FANCA: variants seen among roughly 807,000 people sequenced by gnomAD.
FANCA encodes FA complementation group A.
In FANCA, 236 loss-of-function variants were observed where a neutral mutation model predicts 194.3. The observed-to-expected ratio is 1.21, with a 90% confidence interval of 1.09 to 1.35. The LOEUF (loss-of-function observed/expected upper bound fraction) is 1.35. Ranked by LOEUF, FANCA falls within the 40% of genes most tolerant of loss-of-function variation. The probability of loss-of-function intolerance (pLI) is 0.00; values close to 1 mark genes in which losing one functional copy is unlikely to be tolerated. For synonymous variants in FANCA, 1,014 were observed against 715.8 expected (o/e 1.42, Z -6.65); for missense variants, 2,628 against 1,813.9 (o/e 1.45, Z -8.15).
At chr16:89,774,202 A>G (rs1210380401) in intron 21 of FANCA, among the ~76,000 whole-genome samples, 1 of 152,216 alleles carries the variant, frequency 6.6e-6, no homozygotes, top group Non-Finnish European at 1.5e-5. Flanking sequence ...AAATGAAACC[A>G]GAAATCACAG....
At chr16:89,795,360 G>T (rs2040208514) in intron 11 of FANCA, among the ~76,000 whole-genome samples, 1 of 151,802 alleles carries the variant, frequency 6.6e-6, no homozygotes, top group Non-Finnish European at 1.5e-5. Flanking sequence ...TGGGTGCGGT[G>T]GCTCACACCT....
At chr16:89,760,825 CCTGTCTGTTAT>C (rs2038926673) in intron 29 of FANCA, among the ~76,000 whole-genome samples, 1 of 152,280 alleles carries the variant, frequency 6.6e-6, no homozygotes, top group Non-Finnish European at 1.5e-5. Context: ...CTCACACGGC[CCTGTCTGTTAT>C]CTCCAGGGCT....
At chr16:89,778,513 A>G in intron 20 of FANCA, 1 of 397,064 alleles carries the variant, frequency 2.5e-6, no homozygotes, top group South Asian at 2.4e-5. Flanking sequence ...TTGTAATCCC[A>G]GCTACTCAGG....
At chr16:89,782,609 G>A (rs1054773211) in intron 17 of FANCA, among the ~76,000 whole-genome samples, 13 of 151,976 alleles carry the variant, frequency 8.6e-5, no homozygotes, top group African/African-American at 3.1e-4. Context: ...CTCCCAAAAG[G>A]ACAAATGTCC....
intron 6 of FANCA, among the ~76,000 whole-genome samples, chr16:89,807,857 T>G (rs1204995460): frequency 2.0e-5 from 3 of 151,730 alleles, no homozygotes; most frequent in Non-Finnish European, 2.9e-5. Context: ...CACTCCAGCC[T>G]GGGTGACAGA....
chr16:89,800,119 C>G (rs1399739921), intron 8 of FANCA, among the ~76,000 whole-genome samples: 1 of 152,244 alleles, frequency 6.6e-6, no homozygotes, highest in Admixed American at 6.5e-5. Context: ...TGGAATTACC[C>G]TAAGACTGCT....
rs1304085823 is a variant in FANCA, at chr16:89,739,841, TA to T, written c.3934+152del. On this transcript the variant is annotated intron_variant, in intron 39 of 42. Coordinates refer to ENST00000389301, the MANE Select transcript of FANCA (RefSeq NM_000135.4). ...GAGCCAGTAAATTATCTTATTGCTT[TA>T]AACAAGTTTGTGCTTAATCTGTCCC... is the stretch of plus-strand genomic sequence containing the variant. 4.0e-6 allele frequency: 6 copies of T among 1,500,190 alleles called. No individual in the cohort carries two copies. In the African/African-American group the frequency reaches 5.5e-5, roughly 14 times the overall value. The allele number at this position is 1,500,190 out of a possible 1,614,324, so 92.9% of individuals were successfully genotyped here.
chr16:89,740,141 G>T, intron 38 of FANCA, 42 bp from the exon 39 acceptor site: 1 of 1,503,322 alleles, frequency 6.7e-7, no homozygotes, highest in Non-Finnish European at 9.3e-7. Context: ...GGCCGACCTG[G>T]TGCTCCCATG....
chr16:89,761,837 G>T, intron 29 of FANCA, 112 bp downstream of exon 29: 1 of 854,980 alleles, frequency 1.2e-6, no homozygotes, highest in Non-Finnish European at 2.0e-6. Context: ...TGTTGCCCAG[G>T]CTGACCTCAA....
At chr16:89,811,743 T>G (rs2040889857) in intron 3 of FANCA, among the ~76,000 whole-genome samples, 1 of 152,122 alleles carries the variant, frequency 6.6e-6, no homozygotes, top group African/African-American at 2.4e-5. Context: ...TTTGTTTTAT[T>G]TTTTTGCAAT....
chr16:89,794,186 T>A (rs987332143), intron 11 of FANCA, among the ~76,000 whole-genome samples: 1 of 152,248 alleles, frequency 6.6e-6, no homozygotes, highest in Admixed American at 6.5e-5. Flanking sequence ...GGTTACTTAC[T>A]TGTAATGCTT....
Position 89,770,151 on chromosome 16 carries a change from G to A in FANCA, c.2316+15C>T. 1 of 1,579,768 alleles carries A rather than the reference G, an allele frequency of 6.3e-7. No individual in the cohort carries two copies. The highest frequency in any genetic ancestry group is 8.6e-7 in the Non-Finnish European group (1 of 1,163,084). On this transcript the variant is annotated intron_variant, in intron 25 of 42. Coordinates refer to ENST00000389301, the MANE Select transcript of FANCA (RefSeq NM_000135.4). ...GTGGGCCCCCAAGGGTGGCCCCCAT[G>A]AAGGAGAGCCTCACCTGGTGACGGA...
chr16:89,750,256 A>C (rs2038538217), intron 31 of FANCA, among the ~76,000 whole-genome samples: 1 of 149,674 alleles, frequency 6.7e-6, no homozygotes, highest in Non-Finnish European at 1.5e-5. Flanking sequence ...CCAAGGCAGG[A>C]GGATCACGAG....
intron 10 of FANCA, chr16:89,798,660 C>T (rs1183578313): frequency 8.0e-7 from 1 of 1,248,566 alleles, no homozygotes; most frequent in Non-Finnish European, 1.0e-6. Context: ...GTAAGGGTCT[C>T]CGCACATCTC....
At chr16:89,815,439 TC>T (rs2041071579) in intron 2 of FANCA, among the ~76,000 whole-genome samples, 1 of 141,788 alleles carries the variant, frequency 7.1e-6, no homozygotes, top group Non-Finnish European at 1.5e-5. Context: ...AATTTCTGCC[TC>T]CCGGGTCCAG....
intron 38 of FANCA, 85 bp from the exon 39 acceptor site, chr16:89,740,184 G>GAAAT: frequency 2.8e-6 from 3 of 1,060,396 alleles, no homozygotes; most frequent in Non-Finnish European, 4.4e-6. Context: ...CACAGAAGAG[G>GAAAT]GCATTTCCTC....
At chr16:89,807,806 C>G (rs1280134554) in intron 6 of FANCA, among the ~76,000 whole-genome samples, 1 of 152,098 alleles carries the variant, frequency 6.6e-6, no homozygotes, top group African/African-American at 2.4e-5. Flanking sequence ...TGGCGTGAAC[C>G]CGGGAGGTGG....
intron 22 of FANCA, among the ~76,000 whole-genome samples, chr16:89,772,405 G>A (rs906747746): frequency 1.2e-4 from 18 of 152,236 alleles, no homozygotes; most frequent in Non-Finnish European, 1.8e-4. Flanking sequence ...CCCAGCTAGC[G>A]CTAACCAAGC....
chr16:89,765,124 T>C, intron 27 of FANCA, 58 bp from the exon 28 acceptor site: 1 of 1,591,372 alleles, frequency 6.3e-7, no homozygotes, highest in Non-Finnish European at 8.6e-7. Flanking sequence ...TGTGAGTGGC[T>C]GAGCAAATGC....
Sources: allele counts gnomAD v4.1 joint callset (sites outside exome capture counted in the v4.1 genomes callset), GRCh38; gene constraint gnomAD v4.1.1; transcripts MANE v1.5; gene names NCBI Gene and HGNC (gene_info 2026-07-23, HGNC 2026-07-21).